The following RBM34 variants were observed in gnomAD, a reference collection of about 807,000 sequenced individuals.
RBM34 encodes RNA-binding protein 34.
A neutral mutation model predicts 44.6 loss-of-function variants in RBM34; 39 were observed. That is an observed-to-expected ratio of 0.87 (90% CI 0.68 to 1.14). RBM34 has a LOEUF of 1.14. Ranked by LOEUF, RBM34 falls within the 50% of genes most tolerant of loss-of-function variation. The pLI is 0.00. For missense variants in RBM34, 572 were observed against 517.9 expected (o/e 1.10, Z -1.01); for synonymous variants, 194 against 184.0 (o/e 1.05, Z -0.44).
In RBM34 at chr1:235,150,276, T is replaced by C. The variant is rs369101473; in HGVS notation, c.658-1829A>G. Reference sequence around the variant, plus strand: ...TTTTAGTAGAAACGTAGTTTTGCCATGTTGGCCAGGCTGGTCTCGAACTTC... The same window carrying C: ...TTTTAGTAGAAACGTAGTTTTGCCACGTTGGCCAGGCTGGTCTCGAACTTC... On this transcript the variant is annotated intron_variant, in intron 5 of 10. Transcript: ENST00000408888. Among the ~76,000 whole-genome samples the C allele has an allele frequency of 3.3e-4, 50 of 152,322 alleles. 1 individual carries two copies. The highest frequency in any genetic ancestry group is 1.2e-3 in the African/African-American group (48 of 41,572).
Position 235,152,726 on chromosome 1 carries a change from A to T in RBM34, c.637T>A (p.Ser213Thr), listed in dbSNP as rs781617624. ...CATACCAGAGAACGAAATCGTACAG[A>T]TTCTATTTGTCCATACTCTTTAAAA... Reference protein sequence around the residue: ...SFFKEYGQIESVRFRSLIPAE... With the variant: ...SFFKEYGQIETVRFRSLIPAE... Residue 213 changes from serine to threonine, a missense_variant, in exon 5 of 11, where the codon TCT (serine) becomes ACT (threonine). By Grantham distance (58) the Ser-to-Thr change is moderately conservative (BLOSUM62 1). Transcript: ENST00000408888. 6.2e-7 allele frequency: 1 copy of T among 1,601,378 alleles called. No homozygotes were observed. The highest frequency in any genetic ancestry group is 8.5e-7 in the Non-Finnish European group (1 of 1,173,556).
chr1:235,161,133 A>G (rs1330929150), intron 1 of RBM34, 41 bp downstream of exon 1: 2 of 1,603,254 alleles, frequency 1.2e-6, no homozygotes, highest in South Asian at 2.2e-5. Flanking sequence ...GAGGGAACGT[A>G]CAACATCCCT....
chr1:235,134,653 A>G (rs1373637789), intron 10 of RBM34, among the ~76,000 whole-genome samples: 1 of 152,170 alleles, frequency 6.6e-6, no homozygotes, highest in African/African-American at 2.4e-5. Flanking sequence ...AAAACATTTA[A>G]TTAGTATGAA....
intron 9 of RBM34, 78 bp from the exon 10 acceptor site, chr1:235,135,848 T>C (rs1001904559): frequency 6.8e-6 from 9 of 1,328,478 alleles, no homozygotes; most frequent in Non-Finnish European, 8.7e-6. Context: ...ATAATACAGC[T>C]AGTTAAGCAT....
intron 3 of RBM34, among the ~76,000 whole-genome samples, chr1:235,158,840 G>A (rs1039056339): frequency 6.6e-6 from 1 of 152,034 alleles, no homozygotes; most frequent in Non-Finnish European, 1.5e-5. Flanking sequence ...TATGCTGGCC[G>A]GGCATGGTGG....
chr1:235,160,843 T>C lies in RBM34; in HGVS notation c.228+50A>G, dbSNP rs373589194. The C allele has an allele frequency of 1.9e-5, 30 of 1,599,688 alleles. No homozygotes were observed. In the African/African-American group the frequency reaches 4.0e-4, roughly 21 times the overall value. On this transcript the variant is annotated intron_variant, in intron 2 of 10. Transcript: ENST00000408888. The stretch of plus-strand genomic sequence containing the variant: ...CGCGGTAGGTAAGAAGATTGCTTTG[T>C]ATGTAAGTGGTTCTAACGAGCTATT...
At chr1:235,145,966 G>GTTTTTTT (rs34111332) in intron 6 of RBM34, among the ~76,000 whole-genome samples, 3 of 77,212 alleles carry the variant, frequency 3.9e-5, no homozygotes, top group African/African-American at 5.7e-5. Flanking sequence ...ATTACAGCAG[G>GTTTTTTT]TTTTTTTTTT....
Position 235,161,205 on chromosome 1 carries a change from T to A in RBM34, c.22A>T (p.Lys8Ter), listed in dbSNP as rs549912946. The change falls in exon 1 of 11, where the codon AAA (lysine) becomes TAA (stop). Residue 8 changes from lysine to a stop codon, truncating the protein, a stop_gained. Coordinates refer to ENST00000408888, the MANE Select transcript of RBM34 (RefSeq NM_015014.4). LOFTEE classifies it high-confidence loss of function. ...TGGACACTTCTCTTTCTCTTCCGTT[T>A]GCTCATCCCTTCCAAGGCCATTCTT... MALEGMS[K>*]RKRKRSVQEG... 1 of 1,611,018 alleles carries A rather than the reference T, an allele frequency of 6.2e-7. No individual in the cohort carries two copies. The highest frequency in any genetic ancestry group is 8.5e-7 in the Non-Finnish European group (1 of 1,178,314).
chr1:235,154,540 G>A (rs1444269122), intron 4 of RBM34, among the ~76,000 whole-genome samples: 1 of 152,208 alleles, frequency 6.6e-6, no homozygotes, highest in East Asian at 1.9e-4. Context: ...CTCCAGCCTA[G>A]GTGACAGTGA....
intron 5 of RBM34, among the ~76,000 whole-genome samples, chr1:235,149,807 G>C (rs1272009262): frequency 6.6e-6 from 1 of 152,188 alleles, no homozygotes; most frequent in African/African-American, 2.4e-5. Flanking sequence ...ATGTAGGGTA[G>C]TTATTATAAA....
At chr1:235,159,070 G>T (rs1662575124) in intron 3 of RBM34, among the ~76,000 whole-genome samples, 1 of 151,940 alleles carries the variant, frequency 6.6e-6, no homozygotes, top group African/African-American at 2.4e-5. Flanking sequence ...AAAATTAGCT[G>T]GGCATGGTGG....
At chr1:235,149,203 A>C (rs1215916688) in intron 5 of RBM34, among the ~76,000 whole-genome samples, 1 of 151,808 alleles carries the variant, frequency 6.6e-6, no homozygotes, top group Non-Finnish European at 1.5e-5. Context: ...CCTGGCTAAC[A>C]CGGTGAAACC....
At chr1:235,147,624 G>A (rs1572156729) in intron 6 of RBM34, among the ~76,000 whole-genome samples, 1 of 152,024 alleles carries the variant, frequency 6.6e-6, no homozygotes. Flanking sequence ...AGACCTGGTC[G>A]GCCAAATAAC....
In RBM34 at chr1:235,137,897, G is replaced by C. The variant is rs376789873; in HGVS notation, c.829C>G (p.Leu277Val). The change falls in exon 8 of 11, where the codon CTC becomes GTC. Residue 277 changes from leucine to valine, a missense_variant. By Grantham distance (32) the Leu-to-Val change is conservative. Coordinates refer to ENST00000408888, the MANE Select transcript of RBM34 (RefSeq NM_015014.4). Reference sequence around the variant, plus strand: ...CTTACAGATGAGGTCTCAGATGCGAGATCAACTCTAATACGAAATCCATCT... The same window carrying C: ...CTTACAGATGAGGTCTCAGATGCGACATCAACTCTAATACGAAATCCATCT... Reference protein sequence around the residue: ...IADGFRIRVDLASETSSRDKR... With the variant: ...IADGFRIRVDVASETSSRDKR... 1.9e-4 allele frequency: 312 copies of C among 1,600,716 alleles called. 2 individuals are homozygous for C. The highest frequency in any genetic ancestry group is 1.8e-3 in the South Asian group (159 of 90,000).
rs757412621 is a variant in RBM34, at chr1:235,160,936, G to A, written c.185C>T (p.Ser62Phe). The A allele has an allele frequency of 3.1e-6, 5 of 1,614,068 alleles. No individual in the cohort carries two copies. The African/African-American group carries it at 5.3e-5, about 17-fold the overall frequency. Residue 62 changes from serine (S) to phenylalanine (F), a missense_variant, in exon 2 of 11, where the codon TCT (serine) becomes TTT (phenylalanine). Ser to Phe is a radical substitution (Grantham distance 155). Coordinates refer to ENST00000408888, the MANE Select transcript of RBM34 (RefSeq NM_015014.4). ...CACGGGTTGAATCTGGGGCTCCAGAGAACTGAAGAGGGACGCCAGCCGACC... is the reference window on the plus strand; with the variant it reads ...CACGGGTTGAATCTGGGGCTCCAGAAAACTGAAGAGGGACGCCAGCCGACC... ...GTGRLASLFS[S>F]LEPQIQPVYV...
At chr1:235,156,372 T>C (rs1444360172) in intron 3 of RBM34, among the ~76,000 whole-genome samples, 1 of 152,192 alleles carries the variant, frequency 6.6e-6, no homozygotes, top group African/African-American at 2.4e-5. Context: ...AGTTCATCTA[T>C]ACAAAAGCTG....
chr1:235,132,134 C>T, intron 10 of RBM34, 137 bp from the exon 11 acceptor site: 2 of 745,152 alleles, frequency 2.7e-6, no homozygotes, highest in Non-Finnish European at 4.2e-6. Context: ...GGTGTATCAG[C>T]TGCTGCACTC....
intron 3 of RBM34, 52 bp downstream of exon 3, chr1:235,160,459 T>C (rs1202302807): frequency 1.3e-6 from 2 of 1,551,178 alleles, no homozygotes; most frequent in African/African-American, 2.7e-5. Flanking sequence ...AGTATAGGAA[T>C]GTTAATTTAC....
intron 6 of RBM34, among the ~76,000 whole-genome samples, chr1:235,142,826 G>A (rs1474363878): frequency 6.6e-6 from 1 of 150,920 alleles, no homozygotes; most frequent in African/African-American, 2.4e-5. Flanking sequence ...TACCTGAGAG[G>A]CTGAGGCAGG....
Sources: gnomAD v4.1 joint callset for allele counts (sites outside exome capture counted in the v4.1 genomes callset) on GRCh38, gnomAD v4.1.1 for gene constraint, MANE v1.5 for transcripts, NCBI Gene and HGNC (gene_info 2026-07-23, HGNC 2026-07-21) for gene names.